CNTLN: variants seen among roughly 807,000 people sequenced by gnomAD.
CNTLN encodes the protein centlein.
CNTLN carries 212 observed loss-of-function variants against 180.0 expected under a neutral mutation model. That is an observed-to-expected ratio of 1.18 (90% CI 1.05 to 1.32). The LOEUF (loss-of-function observed/expected upper bound fraction) is 1.32, where lower values mean the gene tolerates loss of function less well. Among genes scored for constraint, CNTLN ranks in the 40% most tolerant of loss-of-function variants. The pLI is 0.00. For synonymous variants in CNTLN, 722 were observed against 563.1 expected (o/e 1.28, Z -3.99); for missense variants, 2,095 against 1,610.9 (o/e 1.30, Z -5.14).
chr9:17,215,332 G>T (rs1823661208), intron 2 of CNTLN, among the ~76,000 whole-genome samples: 1 of 152,200 alleles, frequency 6.6e-6, no homozygotes, highest in Admixed American at 6.5e-5. Context: ...GAACCTCTTT[G>T]CCTGGGTGTC....
At chr9:17,480,370 A>AAC (rs1491064998) in intron 23 of CNTLN, among the ~76,000 whole-genome samples, 1 of 137,394 alleles carries the variant, frequency 7.3e-6, no homozygotes, top group African/African-American at 2.6e-5. Context: ...AAAAAAAAAA[A>AAC]ACACATTAGG....
chr9:17,528,120 C>A, the CNTLN span, among the ~76,000 whole-genome samples: 8 of 151,982 alleles, frequency 5.3e-5, no homozygotes, highest in Admixed American at 1.3e-4. Context: ...TATGTAGAAA[C>A]TCTGCCCTCA....
intron 18 of CNTLN, among the ~76,000 whole-genome samples, chr9:17,436,941 A>G (rs528921587): frequency 1.3e-5 from 2 of 152,310 alleles, no homozygotes; most frequent in East Asian, 3.9e-4. Context: ...TAGGGTATTC[A>G]TTTTATATAC....
In CNTLN at chr9:17,394,701, G is replaced by T. The variant is rs1420938980; in HGVS notation, c.2247G>T (p.Gly749=). 2 of 1,613,908 alleles carry T rather than the reference G, an allele frequency of 1.2e-6. No homozygotes were observed. The highest frequency in any genetic ancestry group is 2.2e-5 in the South Asian group (2 of 91,066). Residue 749 remains glycine (G), a synonymous_variant, in exon 15 of 26, where the codon GGG becomes GGT. Transcript: ENST00000380647. ...AAGAGCTAGAACAGATAATAAAGGG[G>T]AGTAAAGATGTAGAAAAAGAAAATA... ...REKELEQIIK[G]SKDVEKENTE... is the part of the protein sequence containing the mutation.
intron 5 of CNTLN, among the ~76,000 whole-genome samples, chr9:17,258,926 A>G (rs568872831): frequency 6.7e-6 from 1 of 149,378 alleles, no homozygotes; most frequent in African/African-American, 2.5e-5. Context: ...GCAAACAGGG[A>G]CAATTTGACT....
Position 17,135,405 on chromosome 9 carries a change from G to T in CNTLN, c.340G>T (p.Glu114Ter). 6.3e-7 allele frequency: 1 copy of T among 1,597,456 alleles called. No homozygotes were observed. Residue 114 changes from glutamate (E) to a stop codon, truncating the protein, a stop_gained, in exon 1 of 26, where the codon GAG (glutamate) becomes TAG (stop). Transcript: ENST00000380647. LOFTEE classifies it high-confidence loss of function. ...LLEEELSSLK[E>*]ELALCQADKE... ...GGAGGAAGAGCTGAGCAGCCTAAAG[G>T]AGGAGTTGGCCCTGTGTCAGGTATC...
At chr9:17,500,071 G>A (rs1833662172) in intron 25 of CNTLN, among the ~76,000 whole-genome samples, 1 of 152,156 alleles carries the variant, frequency 6.6e-6, no homozygotes, top group African/African-American at 2.4e-5. Flanking sequence ...TGCAAGGGCA[G>A]TAGATGTACA....
intron 5 of CNTLN, among the ~76,000 whole-genome samples, chr9:17,260,065 G>A (rs1826836727): frequency 2.1e-5 from 3 of 144,606 alleles, no homozygotes; most frequent in South Asian, 2.3e-4. Context: ...TAATTGTGAT[G>A]TTAGGGTGTC....
At chr9:17,350,553 T>C (rs1298446484) in intron 12 of CNTLN, among the ~76,000 whole-genome samples, 1 of 151,958 alleles carries the variant, frequency 6.6e-6, no homozygotes, top group Non-Finnish European at 1.5e-5. Context: ...GAAAAAGAGG[T>C]AACGCAAATC....
chr9:17,206,063 G>A (rs943517924), intron 2 of CNTLN, among the ~76,000 whole-genome samples: 1 of 152,272 alleles, frequency 6.6e-6, no homozygotes, highest in Middle Eastern at 3.4e-3. Flanking sequence ...AGCCACCACT[G>A]CAGCAGGAGC....
intron 2 of CNTLN, among the ~76,000 whole-genome samples, chr9:17,182,413 G>C (rs1339529476): frequency 6.6e-6 from 1 of 152,042 alleles, no homozygotes; most frequent in Admixed American, 6.5e-5. Flanking sequence ...AAGGTCTCTA[G>C]TCAATCTGCC....
At chr9:17,296,348 T>C (rs1287107641) in intron 6 of CNTLN, among the ~76,000 whole-genome samples, 3 of 152,168 alleles carry the variant, frequency 2.0e-5, no homozygotes, top group Non-Finnish European at 4.4e-5. Flanking sequence ...AAGATACATA[T>C]ATTTTGTTGT....
chr9:17,324,540 T>G (rs1354626905), intron 8 of CNTLN, among the ~76,000 whole-genome samples: 2 of 152,268 alleles, frequency 1.3e-5, no homozygotes, highest in African/African-American at 4.8e-5. Context: ...TATTACTAAT[T>G]TTTGTCAGTA....
chr9:17,169,326 T>C (rs959968610), intron 2 of CNTLN, among the ~76,000 whole-genome samples: 2 of 152,176 alleles, frequency 1.3e-5, no homozygotes, highest in Non-Finnish European at 2.9e-5. Flanking sequence ...CTAAACCTGA[T>C]AGAACATAAT....
At chr9:17,414,033 A>T (rs1828046854) in intron 16 of CNTLN, among the ~76,000 whole-genome samples, 1 of 152,200 alleles carries the variant, frequency 6.6e-6, no homozygotes, top group South Asian at 2.1e-4. Context: ...CAGCAATAAA[A>T]AGGAGCTAAC....
chr9:17,316,091 G>C (rs549772531), intron 8 of CNTLN, among the ~76,000 whole-genome samples: 1 of 151,340 alleles, frequency 6.6e-6, no homozygotes, highest in East Asian at 1.9e-4. Context: ...ATTCTATCAG[G>C]TTTTGCTTCA....
At chr9:17,418,981 T>G (rs1369433207) in intron 18 of CNTLN, among the ~76,000 whole-genome samples, 3 of 152,126 alleles carry the variant, frequency 2.0e-5, no homozygotes, top group Non-Finnish European at 2.9e-5. Context: ...TTGTAGAATT[T>G]CCTCAAAAAA....
At chr9:17,299,218 G>A (rs1391716610) in intron 7 of CNTLN, 1 of 139,920 alleles carries the variant, frequency 7.1e-6, no homozygotes, top group Non-Finnish European at 1.3e-5. Context: ...ACTCCAGCCA[G>A]GCGACAGGGG....
At chr9:17,436,035 A>C (rs1829754589) in intron 18 of CNTLN, among the ~76,000 whole-genome samples, 2 of 152,152 alleles carry the variant, frequency 1.3e-5, no homozygotes, top group Admixed American at 1.3e-4. Context: ...ATTCTTATCC[A>C]AGTGGTGGTC....
Sources: gnomAD v4.1 joint callset for allele counts (sites outside exome capture counted in the v4.1 genomes callset) on GRCh38, gnomAD v4.1.1 for gene constraint, MANE v1.5 for transcripts, NCBI Gene and HGNC (gene_info 2026-07-23, HGNC 2026-07-21) for gene names.